The following EPHA3 variants were observed in gnomAD, a reference collection of about 807,000 sequenced individuals.
EPHA3 encodes the protein ephrin type-A receptor 3.
In EPHA3, 42 loss-of-function variants were observed where a neutral mutation model predicts 107.1. The observed-to-expected ratio is 0.39, with a 90% CI of 0.31 to 0.51. The LOEUF is 0.51. Ranked by LOEUF, EPHA3 falls within the 20% of genes least tolerant of loss-of-function variation. The pLI, the probability that EPHA3 is intolerant of heterozygous loss-of-function variation, is 0.78. For missense variants in EPHA3, 1,183 were observed against 1,211.2 expected (o/e 0.98, Z 0.35); for synonymous variants, 461 against 424.8 (o/e 1.09, Z -1.05).
chr3:89,251,923 T>C (rs1242018700), intron 3 of EPHA3, among the ~76,000 whole-genome samples: 1 of 152,160 alleles, frequency 6.6e-6, no homozygotes, highest in Admixed American at 6.5e-5. Flanking sequence ...GTATGTTTAT[T>C]GTTAATTGCT....
chr3:89,177,288 G>C (rs1357675030), intron 2 of EPHA3, among the ~76,000 whole-genome samples: 1 of 152,134 alleles, frequency 6.6e-6, no homozygotes, highest in Non-Finnish European at 1.5e-5. Flanking sequence ...ACACTTGTCT[G>C]GGTGTTGTGC....
chr3:89,371,856 G>A (rs762956618), intron 5 of EPHA3, among the ~76,000 whole-genome samples: 13 of 151,416 alleles, frequency 8.6e-5, no homozygotes, highest in Non-Finnish European at 1.5e-4. Context: ...TGCCTATATT[G>A]AAGAGAAACA....
chr3:89,343,361 G>T (rs555187327), intron 5 of EPHA3, among the ~76,000 whole-genome samples: 21 of 152,306 alleles, frequency 1.4e-4, no homozygotes, highest in Non-Finnish European at 2.8e-4. Flanking sequence ...GTTAAATGTA[G>T]TTCTAGCTGT....
rs371319134 is a variant in EPHA3, at chr3:89,323,956, AT to A, written c.815-16951del. On this transcript the variant is annotated intron_variant, in intron 3 of 16. Transcript: ENST00000336596. Reference sequence around the variant, plus strand: ...TCATAACATGAAAATATTGGAATCCATTTTTTTTTGCAGTACAAATACTATA... The same window carrying A: ...TCATAACATGAAAATATTGGAATCCATTTTTTTTGCAGTACAAATACTATA... Among the ~76,000 whole-genome samples the A allele has an allele frequency of 3.7e-3, 552 of 150,022 alleles. 4 individuals carry two copies. The highest frequency in any genetic ancestry group is 0.012 in the African/African-American group (512 of 41,008).
At chr3:89,264,344 C>G (rs1460902145) in intron 3 of EPHA3, among the ~76,000 whole-genome samples, 1 of 152,026 alleles carries the variant, frequency 6.6e-6, no homozygotes, top group African/African-American at 2.4e-5. Context: ...GGGAAAATTC[C>G]ACTGGGTTTC....
chr3:89,453,977 G>A (rs1353673963), intron 15 of EPHA3, among the ~76,000 whole-genome samples: 3 of 151,816 alleles, frequency 2.0e-5, no homozygotes, highest in Admixed American at 2.0e-4. Flanking sequence ...GCATATCCAG[G>A]CTCTTTTTTT....
intron 2 of EPHA3, among the ~76,000 whole-genome samples, chr3:89,165,792 C>G (rs1182544821): frequency 6.6e-6 from 1 of 152,188 alleles, no homozygotes. Context: ...ATGATAAAGG[C>G]CCCTGCCGTT....
In EPHA3 at chr3:89,407,263, TC is replaced by T. The variant is rs765358646; in HGVS notation, c.1595-5del. On this transcript the variant is annotated splice_region_variant and splice_polypyrimidine_tract_variant and intron_variant, in intron 7 of 16. Transcript: ENST00000336596. ...CTGTTCTTATTTTTTCTCTTCAACC[TC>T]ACAGCTTTCTCCATCTCTGGTGAAA... 48 of 1,611,466 alleles carry T rather than the reference TC, an allele frequency of 3.0e-5. No individual in the cohort carries two copies. Among genetic ancestry groups the T allele is most frequent in the Non-Finnish European group, 3.9e-5 (46 of 1,177,894 alleles).
At chr3:89,190,809 C>T (rs767042528) in intron 2 of EPHA3, among the ~76,000 whole-genome samples, 1 of 152,176 alleles carries the variant, frequency 6.6e-6, no homozygotes, top group South Asian at 2.1e-4. Context: ...CGTGTCTCTT[C>T]ACATTGTCTT....
At position 89,178,245 on chromosome 3, in the gene EPHA3, C is replaced by A. The variant is rs545148417; in HGVS notation, c.154-31615C>A. On this transcript the variant is annotated intron_variant, in intron 2 of 16. Coordinates refer to ENST00000336596, the MANE Select transcript of EPHA3 (RefSeq NM_005233.6). ...GCTTATAATCAAGAGACATATGTAGCCAATAGATAGATAGATAGTAAATAA... is the reference window on the plus strand; with the variant it reads ...GCTTATAATCAAGAGACATATGTAGACAATAGATAGATAGATAGTAAATAA... Among the ~76,000 whole-genome samples the A allele has an allele frequency of 8.6e-5, 9 of 105,124 alleles. No individual in the cohort carries two copies. The East Asian group carries it at 1.9e-3, about 22-fold the overall frequency. 69.0% of individuals were successfully genotyped at this position (105,124 alleles called of 152,430 possible). A position where few individuals can be genotyped will look rare whatever the true frequency, so the allele number is the denominator to read the frequency against.
chr3:89,266,508 A>C (rs1278569429), intron 3 of EPHA3, among the ~76,000 whole-genome samples: 1 of 152,116 alleles, frequency 6.6e-6, no homozygotes, highest in African/African-American at 2.4e-5. Flanking sequence ...AAATCAGTGA[A>C]CTTCAATTAC....
rs1365430715 is a variant in EPHA3, at chr3:89,210,026, A to G, written c.320A>G (p.Asn107Ser). ...VELKFTLRDC[N>S]SIPLVLGTCK... ...CTCAAGTTCACTCTACGAGACTGCA[A>G]TAGCATTCCATTGGTTTTAGGAACT... Residue 107 changes from asparagine to serine, a missense_variant, in exon 3 of 17, where the codon AAT becomes AGT. Transcript: ENST00000336596. 1 of 1,613,948 alleles carries G rather than the reference A, an allele frequency of 6.2e-7. No homozygotes were observed. The highest frequency in any genetic ancestry group is 8.5e-7 in the Non-Finnish European group (1 of 1,179,952).
At chr3:89,343,540 G>A (rs772909510) in intron 5 of EPHA3, among the ~76,000 whole-genome samples, 9 of 152,110 alleles carry the variant, frequency 5.9e-5, no homozygotes, top group South Asian at 2.1e-4. Flanking sequence ...GCTAGCACCC[G>A]TCTTTCTTGA....
At chr3:89,356,678 A>G (rs73846150) in intron 5 of EPHA3, among the ~76,000 whole-genome samples, 3,968 of 151,282 alleles carry the variant, frequency 0.026, 198 homozygotes, top group African/African-American at 0.09. Flanking sequence ...ACATATGTAT[A>G]TATAATGTAT....
chr3:89,314,007 T>TAC (rs1333668618), intron 3 of EPHA3, among the ~76,000 whole-genome samples: 4 of 151,926 alleles, frequency 2.6e-5, no homozygotes, highest in Non-Finnish European at 5.9e-5. Flanking sequence ...ATGCTGTATG[T>TAC]ACACACACAC....
intron 3 of EPHA3, among the ~76,000 whole-genome samples, chr3:89,226,256 CAAG>C (rs1299702222): frequency 3.9e-5 from 6 of 152,020 alleles, no homozygotes; most frequent in Admixed American, 1.3e-4. Flanking sequence ...TTGGAGCTAA[CAAG>C]AGATAACAAT....
At chr3:89,317,216 T>A (rs1183822370) in intron 3 of EPHA3, among the ~76,000 whole-genome samples, 1 of 151,938 alleles carries the variant, frequency 6.6e-6, no homozygotes, top group East Asian at 1.9e-4. Context: ...AACAATTAGA[T>A]TTTTCTCTTG....
intron 3 of EPHA3, among the ~76,000 whole-genome samples, chr3:89,279,099 A>C (rs188087821): frequency 2.5e-3 from 387 of 152,254 alleles, no homozygotes; most frequent in African/African-American, 9.1e-3. Flanking sequence ...TTTTATTTTA[A>C]ATTTAAAATT....
chr3:89,437,223 C>T (rs66708608), intron 13 of EPHA3, among the ~76,000 whole-genome samples: 40,850 of 151,818 alleles, frequency 0.27, 6,064 homozygotes, highest in African/African-American at 0.39. Context: ...AATATTTTTG[C>T]CGTTATTCAC....
Sources: gnomAD v4.1 joint callset for allele counts (sites outside exome capture counted in the v4.1 genomes callset) on GRCh38, gnomAD v4.1.1 for gene constraint, MANE v1.5 for transcripts, NCBI Gene and HGNC (gene_info 2026-07-23, HGNC 2026-07-21) for gene names.